STAU1: variants seen among roughly 807,000 people sequenced by gnomAD.
STAU1 encodes the protein staufen double-stranded RNA binding protein 1, also known as double-stranded RNA-binding protein Staufen homolog 1.
STAU1 carries 13 observed loss-of-function variants against 62.9 expected under a neutral mutation model. That is an observed-to-expected ratio of 0.21 (90% CI 0.13 to 0.33). The LOEUF (loss-of-function observed/expected upper bound fraction) is 0.33, where lower values mean the gene tolerates loss of function less well. Ranked by LOEUF, STAU1 falls within the 10% of genes least tolerant of loss-of-function variation. The probability of loss-of-function intolerance (pLI) is 1.00; values close to 1 mark genes in which losing one functional copy is unlikely to be tolerated. For synonymous variants in STAU1, 269 were observed against 265.1 expected, an observed-to-expected ratio of 1.01 and a Z score of -0.14; for missense variants, 571 against 712.1, an observed-to-expected ratio of 0.80 and a Z score of 2.25.
chr20:49,125,198 CAAAAAAA>C (rs1171534142), intron 6 of STAU1, among the ~76,000 whole-genome samples: 27 of 33,734 alleles, frequency 8.0e-4, no homozygotes, highest in South Asian at 3.5e-3. Flanking sequence ...CTCATTTTTG[CAAAAAAA>C]AAAAAAAAAA....
intron 1 of STAU1, among the ~76,000 whole-genome samples, chr20:49,187,510 GA>G (rs1288665188): frequency 2.0e-5 from 3 of 152,182 alleles, no homozygotes; most frequent in Admixed American, 6.5e-5. Context: ...AAATTATGCA[GA>G]CGGTTTACTG....
intron 5 of STAU1, among the ~76,000 whole-genome samples, chr20:49,137,832 A>ATTTTTTTTTTTTTT: frequency 7.8e-6 from 1 of 128,436 alleles, no homozygotes; most frequent in Non-Finnish European, 1.6e-5. Context: ...CACCCGGCTA[A>ATTTTTTTTTTTTTT]TTTTTTTTTT....
chr20:49,195,222 C>T, the STAU1 span, among the ~76,000 whole-genome samples: 1 of 152,122 alleles, frequency 6.6e-6, no homozygotes, highest in African/African-American at 2.4e-5. Flanking sequence ...GAATGATTAA[C>T]AACCCAATGA....
intron 1 of STAU1, 58 bp downstream of exon 1, chr20:49,188,058 C>T (rs561401268): frequency 2.6e-5 from 4 of 151,354 alleles, no homozygotes; most frequent in East Asian, 1.9e-4. Flanking sequence ...GCCCACCTCC[C>T]CACCGCGGCG....
At position 49,135,902 on chromosome 20, in the gene STAU1, A is replaced by G; in HGVS notation, c.540T>C (p.Asn180=). ...CTTGACTTATTTCAGATTTATTGAGATTTTCTTCTTCGGATTCTCTTCCAT... is the reference window on the plus strand; with the variant it reads ...CTTGACTTATTTCAGATTTATTGAGGTTTTCTTCTTCGGATTCTCTTCCAT... ...EVNGRESEEE[N]LNKSEISQVF... Residue 180 remains asparagine (N), a synonymous_variant, in exon 6 of 14, where the codon AAT becomes AAC. Coordinates refer to ENST00000371856, the MANE Select transcript of STAU1 (RefSeq NM_017453.4). The G allele has an allele frequency of 6.2e-7, 1 of 1,613,780 alleles. No individual in the cohort carries two copies. The highest frequency in any genetic ancestry group is 8.5e-7 in the Non-Finnish European group (1 of 1,179,938).
At chr20:49,119,918 G>T in intron 9 of STAU1, 64 bp downstream of exon 9, 1 of 1,560,760 alleles carries the variant, frequency 6.4e-7, no homozygotes, top group South Asian at 1.2e-5. Flanking sequence ...GCCCCTGGAG[G>T]TGCCCCAGTT....
intron 6 of STAU1, among the ~76,000 whole-genome samples, chr20:49,135,294 C>T (rs1182389900): frequency 6.6e-6 from 1 of 152,212 alleles, no homozygotes; most frequent in Admixed American, 6.5e-5. Context: ...AACTATATGT[C>T]TTTTAAGGCA....
chr20:49,188,646 C>T (rs1045384564), upstream of STAU1, among the ~76,000 whole-genome samples: 1 of 152,234 alleles, frequency 6.6e-6, no homozygotes, highest in Admixed American at 6.5e-5. Flanking sequence ...CCCAGCCTAC[C>T]TTCTTTCCTC....
At chr20:49,170,835 C>T (rs1415026261) in intron 2 of STAU1, among the ~76,000 whole-genome samples, 3 of 151,134 alleles carry the variant, frequency 2.0e-5, no homozygotes, top group Admixed American at 6.6e-5. Flanking sequence ...TCTGGAGAAG[C>T]CTCCTTTTCA....
chr20:49,142,919 C>T (rs539321761), intron 5 of STAU1, among the ~76,000 whole-genome samples: 5 of 152,150 alleles, frequency 3.3e-5, no homozygotes, highest in Non-Finnish European at 7.3e-5. Context: ...TCTCCTGCCT[C>T]AGCCTCCTCA....
chr20:49,215,357 C>T, the STAU1 span, among the ~76,000 whole-genome samples: 9 of 152,288 alleles, frequency 5.9e-5, no homozygotes, highest in Admixed American at 4.6e-4. Flanking sequence ...TATGTATCAC[C>T]TGGTTCTGAT....
At chr20:49,174,376 A>G (rs2093632864) in intron 1 of STAU1, 107 bp from the exon 2 acceptor site, 1 of 152,194 alleles carries the variant, frequency 6.6e-6, no homozygotes, top group South Asian at 2.1e-4. Context: ...AGTAGGGAAG[A>G]CTGAAGGCAT....
rs3092335 is a variant in STAU1 at position 49,113,431 on chromosome 20, GT to G, written c.*1446del. The G allele has an allele frequency of 0.86, 131,923 of 152,632 alleles. 57,560 individuals carry two copies. Among genetic ancestry groups the G allele is most frequent in the African/African-American group, 0.96 (39,802 of 41,534 alleles). The allele number at this position is 152,632 out of a possible 1,614,324, so 9.5% of individuals were successfully genotyped here. ...CAGATGGAATCACAAGCATTACAAAGTTTTTTTCTTAAAAATAAAAAAAGGA... is the reference window on the plus strand; with the variant it reads ...CAGATGGAATCACAAGCATTACAAAGTTTTTTCTTAAAAATAAAAAAAGGA... On this transcript the variant is annotated 3_prime_UTR_variant, in exon 14 of 14. Coordinates refer to ENST00000371856, the MANE Select transcript of STAU1 (RefSeq NM_017453.4).
the STAU1 span, among the ~76,000 whole-genome samples, chr20:49,201,083 G>GAAGAAGAA: frequency 8.5e-4 from 87 of 101,758 alleles, no homozygotes; most frequent in Non-Finnish European, 6.4e-4. Flanking sequence ...AGAAGAAGAA[G>GAAGAAGAA]AAGAAAAGAA....
Position 49,165,878 on chromosome 20 carries a change from ATACT to A in STAU1, c.205+115_205+118del, listed in dbSNP as rs1270718075. The A allele has an allele frequency of 1.1e-5, 11 of 980,674 alleles. No homozygotes were observed. In the African/African-American group the frequency reaches 1.8e-4, roughly 16 times the overall value. 60.7% of individuals were successfully genotyped at this position (980,674 alleles called of 1,614,324 possible). On this transcript the variant is annotated intron_variant, in intron 3 of 13. Coordinates refer to ENST00000371856, the MANE Select transcript of STAU1 (RefSeq NM_017453.4). ...CTGGGATAAAGAAGTGTGGGTGGTG[ATACT>A]TTCTTTTGCTTTTTGAAGGTAAATG...
the STAU1 span, among the ~76,000 whole-genome samples, chr20:49,202,230 A>AG: frequency 4.6e-5 from 6 of 130,366 alleles, no homozygotes; most frequent in African/African-American, 1.5e-4. Context: ...AAAAAAAAAA[A>AG]AAAGAAAGAA....
At chr20:49,139,877 TTTA>T (rs1168619848) in intron 5 of STAU1, among the ~76,000 whole-genome samples, 1 of 151,748 alleles carries the variant, frequency 6.6e-6, no homozygotes, top group African/African-American at 2.4e-5. Flanking sequence ...AGATTTGGAT[TTTA>T]TTAAAAATAA....
rs1568890039 is a variant in STAU1 at position 49,153,924 on chromosome 20, A to AAAC, written c.344+8_344+9insGTT. 3.9e-6 allele frequency: 6 copies of AAAC among 1,533,698 alleles called. No individual in the cohort carries two copies. Among genetic ancestry groups the AAAC allele is most frequent in the Admixed American group, 2.3e-5 (1 of 44,014 alleles). On this transcript the variant is annotated intron_variant, in intron 4 of 13. Transcript: ENST00000371856. ...TATTTTACAAAAAAAAAAAAAAAAA[A>AAAC]ACACATACCTCGGGGGATAAGCACC... is the stretch of plus-strand genomic sequence containing the variant.
rs534701600 is a variant in STAU1, at chr20:49,121,129, G to A, written c.967-1001C>T. ...CATAAATAAAAAACATCAACCAGCCGGGCGTGGTGGCTCACGCCTGTAATC... is the reference window on the plus strand; with the variant it reads ...CATAAATAAAAAACATCAACCAGCCAGGCGTGGTGGCTCACGCCTGTAATC... On this transcript the variant is annotated intron_variant, in intron 8 of 13. Transcript: ENST00000371856. Among the ~76,000 whole-genome samples the A allele has an allele frequency of 1.4e-3, 218 of 152,138 alleles. 1 individual carries two copies. The highest frequency in any genetic ancestry group is 5.0e-3 in the African/African-American group (206 of 41,526).
Sources: gnomAD v4.1 joint callset for allele counts (sites outside exome capture counted in the v4.1 genomes callset) on GRCh38, gnomAD v4.1.1 for gene constraint, MANE v1.5 for transcripts, NCBI Gene and HGNC (gene_info 2026-07-23, HGNC 2026-07-21) for gene names.